Variants in AATK observed in about 807,000 individuals in gnomAD.
The protein encoded by AATK is lemur tail kinase 1.
Under a neutral mutation model 114.3 loss-of-function variants are expected in AATK, and 91 were observed. That is an observed-to-expected ratio of 0.80 (90% CI 0.67 to 0.95). The LOEUF (loss-of-function observed/expected upper bound fraction) is 0.95, where lower values mean the gene tolerates loss of function less well. Ranked by LOEUF, AATK falls within the 40% of genes least tolerant of loss-of-function variation. The pLI is 0.00. For missense variants in AATK, 2,176 were observed against 1,965.2 expected (o/e 1.11, Z -2.03); for synonymous variants, 1,075 against 916.5 (o/e 1.17, Z -3.12).
intron 1 of AATK, among the ~76,000 whole-genome samples, chr17:81,135,183 G>C (rs1465040096): frequency 6.6e-6 from 1 of 152,204 alleles, no homozygotes; most frequent in Admixed American, 6.5e-5. Context: ...ATCCCAGAGG[G>C]GAACTGACAG....
Position 81,120,129 on chromosome 17 carries a change from C to T in AATK, c.3736-46G>A, listed in dbSNP as rs759149213. Reference sequence around the variant, plus strand: ...CAGGTAGCTCGGCCGCCAGGAGCCGCGGCCGCTCCCACCCCTTCCTGCGGG... The same window carrying T: ...CAGGTAGCTCGGCCGCCAGGAGCCGTGGCCGCTCCCACCCCTTCCTGCGGG... On this transcript the variant is annotated intron_variant, in intron 11 of 13. Coordinates refer to ENST00000326724, the MANE Select transcript of AATK (RefSeq NM_001080395.3). 6.7e-6 allele frequency: 10 copies of T among 1,483,220 alleles called. No individual in the cohort carries two copies. In the East Asian group the frequency reaches 2.0e-4, roughly 30 times the overall value. 91.9% of individuals were successfully genotyped at this position (1,483,220 alleles called of 1,614,324 possible).
At chr17:81,128,909 G>A (rs1019553701) in intron 3 of AATK, 34 of 1,137,508 alleles carry the variant, frequency 3.0e-5, no homozygotes, top group Admixed American at 1.2e-4. Context: ...CTGGGGCCAC[G>A]GCACAGAGAG....
chr17:81,153,278 G>T (rs2174649), intron 1 of AATK, among the ~76,000 whole-genome samples: 44,445 of 152,108 alleles, frequency 0.29, 7,675 homozygotes, highest in Admixed American at 0.4. Context: ...ATTTGAAGAT[G>T]TGGTGGACTT....
rs1353278608 is a variant in AATK at position 81,122,396 on chromosome 17, C to G, written c.1540G>C (p.Gly514Arg). The change falls in exon 11 of 14, where the codon GGC becomes CGC. Residue 514 changes from glycine to arginine, a missense_variant. Physicochemically the swap from Gly to Arg is moderately radical, Grantham distance 125. Coordinates refer to ENST00000326724, the MANE Select transcript of AATK (RefSeq NM_001080395.3). ...TGCGCGCTGAGCACCGGAACCACGC[C>G]CGGGGGCGCGCCGTCGGGGGCGCAC... is the stretch of plus-strand genomic sequence containing the variant. ...ELCAPDGAPPGVVPVLSAHSP... is the reference protein window; with the variant it reads ...ELCAPDGAPPRVVPVLSAHSP... 50 of 1,476,620 alleles carry G rather than the reference C, an allele frequency of 3.4e-5. No individual in the cohort carries two copies. The highest frequency in any genetic ancestry group is 3.2e-5 in the Non-Finnish European group (36 of 1,117,876). The allele number at this position is 1,476,620 out of a possible 1,614,324, so 91.5% of individuals were successfully genotyped here. A position where few individuals can be genotyped will look rare whatever the true frequency, so the allele number is the denominator to read the frequency against.
At chr17:81,147,360 C>CAAAA (rs59460030) in intron 1 of AATK, among the ~76,000 whole-genome samples, 11 of 54,928 alleles carry the variant, frequency 2.0e-4, no homozygotes, top group African/African-American at 6.9e-4. Context: ...GACTCCATCT[C>CAAAA]AAAAAAAAAA....
intron 1 of AATK, among the ~76,000 whole-genome samples, chr17:81,134,842 C>A (rs117202000): frequency 0.02 from 2,992 of 152,346 alleles, 50 homozygotes; most frequent in Middle Eastern, 0.044. Context: ...CCTCCCAGAT[C>A]CCAGTCACCC....
At chr17:81,133,271 C>T in intron 2 of AATK, 1 of 469,912 alleles carries the variant, frequency 2.1e-6, no homozygotes, top group Non-Finnish European at 4.3e-6. Flanking sequence ...GCAAAAAGGC[C>T]ACATCCAGCA....
At position 81,120,022 on chromosome 17, in the gene AATK, A is replaced by G. The variant is rs36000545; in HGVS notation, c.3797T>C (p.Phe1266Ser). 0.39 allele frequency: 564,558 copies of G among 1,451,740 alleles called. 111,779 individuals carry two copies. The highest frequency in any genetic ancestry group is 0.46 in the East Asian group (17,315 of 37,680). 89.9% of individuals were successfully genotyped at this position (1,451,740 alleles called of 1,614,324 possible). A position where few individuals can be genotyped will look rare whatever the true frequency, so the allele number is the denominator to read the frequency against. ...GGGAGAGCCGGGGCTCCCCCTAAGG[A>G]ACGTAGGGGGCGATTCCTTGGCGCC... is the stretch of plus-strand genomic sequence containing the variant. ...FPGAKESPPTFLRGSPGSPSA... is the reference protein window; with the variant it reads ...FPGAKESPPTSLRGSPGSPSA... The change falls in exon 12 of 14, where the codon TTC becomes TCC. Residue 1266 changes from phenylalanine to serine, a missense_variant. Transcript: ENST00000326724.
At position 81,121,137 on chromosome 17, in the gene AATK, T is replaced by A; in HGVS notation, c.2799A>T (p.Arg933=). 1 of 1,604,960 alleles carries A rather than the reference T, an allele frequency of 6.2e-7. No individual in the cohort carries two copies. Among genetic ancestry groups the A allele is most frequent in the African/African-American group, 1.3e-5 (1 of 74,834 alleles). The change falls in exon 11 of 14, where the codon CGA becomes CGT. Residue 933 remains arginine, a synonymous_variant. Transcript: ENST00000326724. The part of the protein sequence containing the change: ...SATGPSGGQP[R]ALDSGYDTEN... ...CGGTGTCATAGCCACTGTCCAGCGC[T>A]CGCGGCTGCCCTCCAGAGGGGCCAG...
In AATK at chr17:81,121,698, AG is replaced by A; in HGVS notation, c.2237del (p.Pro746LeufsTer99). ...CCAGGCCCTGGGCAGAGCATAGATG[AG>A]GGAGGCCGGGGCAGCAGCCTGGCTC... ...AQEPGCCPGL[P>X]HLCSAQGLAP... On this transcript the variant is annotated frameshift_variant, in exon 11 of 14. Coordinates refer to ENST00000326724, the MANE Select transcript of AATK (RefSeq NM_001080395.3). LOFTEE classifies it high-confidence loss of function. 6.7e-7 allele frequency: 1 copy of A among 1,497,464 alleles called. No homozygotes were observed. Among genetic ancestry groups the A allele is most frequent in the Non-Finnish European group, 8.9e-7 (1 of 1,127,206 alleles). 92.8% of individuals were successfully genotyped at this position (1,497,464 alleles called of 1,614,324 possible).
At chr17:81,135,839 G>C (rs1352735650) in intron 1 of AATK, 1 of 152,546 alleles carries the variant, frequency 6.6e-6, no homozygotes, top group Non-Finnish European at 1.5e-5. Flanking sequence ...TGGGGACAAG[G>C]AGGCAGGGGG....
intron 1 of AATK, among the ~76,000 whole-genome samples, chr17:81,140,872 G>A (rs576299265): frequency 1.2e-4 from 17 of 143,480 alleles, no homozygotes; most frequent in African/African-American, 4.3e-4. Context: ...GCCGTGAGCC[G>A]TGGGGCCGTG....
At position 81,126,509 on chromosome 17, in the gene AATK, G is replaced by A. The variant is rs756683053; in HGVS notation, c.673C>T (p.Pro225Ser). ...RSCRVAESMA[P>S]DPRTLQRMAC... is the part of the protein sequence containing the mutation. ...ATGCGCTGCAGGGTCCGGGGGTCGG[G>A]AGCCATGGACTCCGCCACCCGGCAG... The change falls in exon 7 of 14, where the codon CCC (proline) becomes TCC (serine). Residue 225 changes from proline (P) to serine (S), a missense_variant. Physicochemically the swap from Pro to Ser is moderately conservative, Grantham distance 74. Coordinates refer to ENST00000326724, the MANE Select transcript of AATK (RefSeq NM_001080395.3). This position sits in a 1 kb window ranked among gnomAD's most constrained non-coding sequence, Gnocchi z 5.1. 1.3e-6 allele frequency: 2 copies of A among 1,550,784 alleles called. No homozygotes were observed. The highest frequency in any genetic ancestry group is 1.7e-6 in the Non-Finnish European group (2 of 1,147,050).
chr17:81,160,410 G>T, intron 1 of AATK: 1 of 193,814 alleles, frequency 5.2e-6, no homozygotes, highest in Non-Finnish European at 9.4e-6. Flanking sequence ...TCCCGTGACA[G>T]TTCTCAGAGG....
At chr17:81,127,497 A>G (rs1397760710) in intron 6 of AATK, 86 bp downstream of exon 6, 1 of 1,340,842 alleles carries the variant, frequency 7.5e-7, no homozygotes, top group Non-Finnish European at 1.0e-6. Context: ...GAGGCCCCCA[A>G]GGAGGGGGTG....
intron 1 of AATK, among the ~76,000 whole-genome samples, chr17:81,137,747 G>A (rs935226925): frequency 8.6e-5 from 13 of 151,372 alleles, no homozygotes; most frequent in African/African-American, 1.9e-4. Flanking sequence ...ACATGCACAC[G>A]TAGCATGCAT....
rs557223699 is a variant in AATK at position 81,134,222 on chromosome 17, G to A, written c.189+146C>T. ...ATGGAGTCCCTGGGCCAGGGTCCAC[G>A]TGGTCCCCAGGTGGCCCCACAGCAA... On this transcript the variant is annotated intron_variant, in intron 2 of 13. Coordinates refer to ENST00000326724, the MANE Select transcript of AATK (RefSeq NM_001080395.3). The A allele has an allele frequency of 6.5e-5, 69 of 1,059,418 alleles. No homozygotes were observed. In the African/African-American group the frequency reaches 7.0e-4, roughly 11 times the overall value. 65.6% of individuals were successfully genotyped at this position (1,059,418 alleles called of 1,614,324 possible).
Position 81,131,214 on chromosome 17 carries a change from C to T in AATK, c.190-9G>A, listed in dbSNP as rs377346698. The T allele has an allele frequency of 7.0e-6, 11 of 1,567,530 alleles. No homozygotes were observed. The African/African-American group carries it at 9.4e-5, about 13-fold the overall frequency. Reference sequence around the variant, plus strand: ...TCCGCATTCTCAAACTCCTGCGGGCCGGGCCGGGCATGAGCGGGGCTTCTC... The same window carrying T: ...TCCGCATTCTCAAACTCCTGCGGGCTGGGCCGGGCATGAGCGGGGCTTCTC... On this transcript the variant is annotated splice_polypyrimidine_tract_variant and intron_variant, in intron 2 of 13. Coordinates refer to ENST00000326724, the MANE Select transcript of AATK (RefSeq NM_001080395.3).
intron 1 of AATK, among the ~76,000 whole-genome samples, chr17:81,163,287 G>T (rs1342749571): frequency 1.3e-5 from 2 of 152,198 alleles, no homozygotes; most frequent in East Asian, 1.9e-4. Context: ...AGGCTGGGGA[G>T]GGTGAGCAAC....
Sources: gnomAD v4.1 joint callset for allele counts (sites outside exome capture counted in the v4.1 genomes callset) on GRCh38, gnomAD v4.1.1 for gene constraint, Gnocchi (gnomAD v3.1) non-coding constraint, MANE v1.5 for transcripts, NCBI Gene and HGNC (gene_info 2026-07-23, HGNC 2026-07-21) for gene names.